EPHB1: variants seen among roughly 807,000 people sequenced by gnomAD.
The protein encoded by EPHB1 is ephrin type-B receptor 1.
EPHB1 carries 30 observed loss-of-function variants against 94.4 expected under a neutral mutation model. The ratio of observed to expected loss-of-function variants is 0.32; its 90% CI spans 0.24 to 0.43. The LOEUF (loss-of-function observed/expected upper bound fraction) is 0.43, where lower values mean the gene tolerates loss of function less well. Ranked by LOEUF, EPHB1 falls within the 20% of genes least tolerant of loss-of-function variation. EPHB1 has a pLI of 1.00. For synonymous variants in EPHB1, 522 were observed against 489.1 expected, an observed-to-expected ratio of 1.07 and a Z score of -0.89; for missense variants, 1,055 against 1,308.3, an observed-to-expected ratio of 0.81 and a Z score of 2.99.
intron 1 of EPHB1, among the ~76,000 whole-genome samples, chr3:134,910,916 G>A (rs999296653): frequency 6.6e-6 from 1 of 152,240 alleles, no homozygotes; most frequent in Non-Finnish European, 1.5e-5. Flanking sequence ...GACAGGGTGA[G>A]AACTGGGACA....
intron 1 of EPHB1, among the ~76,000 whole-genome samples, chr3:134,865,952 TAGG>T (rs1451247859): frequency 6.6e-6 from 1 of 152,208 alleles, no homozygotes; most frequent in Non-Finnish European, 1.5e-5. Context: ...TGGAGAAAGG[TAGG>T]AGGAGACTTC....
At chr3:135,131,347 C>T (rs1215516645) in intron 4 of EPHB1, among the ~76,000 whole-genome samples, 1 of 152,118 alleles carries the variant, frequency 6.6e-6, no homozygotes, top group Admixed American at 6.5e-5. Flanking sequence ...CCCTGGTGCC[C>T]CCCGACCTTA....
chr3:134,807,317 T>G (rs1157333603), intron 1 of EPHB1, among the ~76,000 whole-genome samples: 3 of 152,102 alleles, frequency 2.0e-5, no homozygotes, highest in Non-Finnish European at 4.4e-5. Flanking sequence ...GACACAGACT[T>G]TCCTTCAGGG....
chr3:134,826,444 T>C lies in EPHB1; in HGVS notation c.58+30755T>C, dbSNP rs79877605. ...ACGGGCCTCTCCTTAGCAGTTCTGC[T>C]TTGCATATAATCGATGGATCTTGCT... is the stretch of plus-strand genomic sequence containing the variant. On this transcript the variant is annotated intron_variant, in intron 1 of 15. Transcript: ENST00000398015. Among the ~76,000 whole-genome samples, 1,338 of 152,244 alleles carry C rather than the reference T, an allele frequency of 8.8e-3. 12 individuals are homozygous for C. The highest frequency in any genetic ancestry group is 0.014 in the Non-Finnish European group (955 of 68,010).
chr3:134,910,535 C>T (rs377435397), intron 1 of EPHB1, among the ~76,000 whole-genome samples: 72 of 152,310 alleles, frequency 4.7e-4, no homozygotes, highest in African/African-American at 1.6e-3. Flanking sequence ...GATTGGGAAA[C>T]ACAAATAGAA....
rs552760911 is a variant in EPHB1 at position 134,938,662 on chromosome 3, C to G, written c.124-12709C>G. Among the ~76,000 whole-genome samples the G allele has an allele frequency of 1.1e-4, 16 of 152,300 alleles. 1 individual carries two copies. The South Asian group carries it at 3.3e-3, about 32-fold the overall frequency. Reference sequence around the variant, plus strand: ...CCAAGAAAAAAATAACTGATGTGCACTCAGAGAGAGGCTAAGTGTGTGTCC... The same window carrying G: ...CCAAGAAAAAAATAACTGATGTGCAGTCAGAGAGAGGCTAAGTGTGTGTCC... On this transcript the variant is annotated intron_variant, in intron 2 of 15. Coordinates refer to ENST00000398015, the MANE Select transcript of EPHB1 (RefSeq NM_004441.5).
At chr3:135,129,051 C>T (rs1022947913) in intron 4 of EPHB1, among the ~76,000 whole-genome samples, 12 of 152,182 alleles carry the variant, frequency 7.9e-5, no homozygotes, top group African/African-American at 2.9e-4. Flanking sequence ...TGTACTCCTG[C>T]ACTCAACAAC....
chr3:134,844,576 C>G (rs1323318811), intron 1 of EPHB1, among the ~76,000 whole-genome samples: 1 of 152,190 alleles, frequency 6.6e-6, no homozygotes, highest in Non-Finnish European at 1.5e-5. Context: ...AGTGAGTTCC[C>G]TTTGACCCAC....
intron 1 of EPHB1, among the ~76,000 whole-genome samples, chr3:134,898,363 G>T (rs2038127856): frequency 6.6e-6 from 1 of 152,152 alleles, no homozygotes; most frequent in African/African-American, 2.4e-5. Context: ...GAGAAGCTGA[G>T]TGTGTAGGAT....
intron 1 of EPHB1, among the ~76,000 whole-genome samples, chr3:134,797,811 T>C (rs1390385918): frequency 6.6e-6 from 1 of 152,140 alleles, no homozygotes; most frequent in South Asian, 2.1e-4. Flanking sequence ...CTCTGTGGGC[T>C]GAAAATCTCT....
intron 3 of EPHB1, among the ~76,000 whole-genome samples, chr3:135,056,854 T>C (rs191377526): frequency 2.0e-5 from 3 of 152,078 alleles, no homozygotes; most frequent in Non-Finnish European, 4.4e-5. Flanking sequence ...AGGGGAGGCA[T>C]CCAGGCGGTG....
intron 1 of EPHB1, among the ~76,000 whole-genome samples, chr3:134,920,060 C>T (rs1421437098): frequency 6.6e-6 from 1 of 152,056 alleles, no homozygotes; most frequent in Non-Finnish European, 1.5e-5. Flanking sequence ...CTGAGGCTGC[C>T]ATTGCAGATC....
At chr3:134,976,539 C>T (rs1934199600) in intron 3 of EPHB1, among the ~76,000 whole-genome samples, 1 of 152,202 alleles carries the variant, frequency 6.6e-6, no homozygotes, top group South Asian at 2.1e-4. Context: ...AACATTCTTG[C>T]TCTCCTTTTT....
intron 3 of EPHB1, among the ~76,000 whole-genome samples, chr3:135,088,512 A>G (rs1306791010): frequency 6.6e-6 from 1 of 152,180 alleles, no homozygotes; most frequent in Non-Finnish European, 1.5e-5. Flanking sequence ...TCCGGGTTGG[A>G]TGGCACTCCA....
intron 3 of EPHB1, among the ~76,000 whole-genome samples, chr3:134,972,243 A>G (rs945856939): frequency 6.6e-6 from 1 of 151,650 alleles, no homozygotes; most frequent in African/African-American, 2.4e-5. Context: ...CCTTCAGAGC[A>G]TCCTTGCTAT....
rs1434477593 is a variant in EPHB1 at position 135,132,884 on chromosome 3, G to A, written c.1132G>A (p.Glu378Lys). The A allele has an allele frequency of 6.2e-7, 1 of 1,614,056 alleles. No homozygotes were observed. Among genetic ancestry groups the A allele is most frequent in the South Asian group, 1.1e-5 (1 of 91,088 alleles). The change falls in exon 5 of 16, where the codon GAG (glutamate) becomes AAG (lysine). Residue 378 changes from glutamate to lysine, a missense_variant. Transcript: ENST00000398015. ...CTGCTCCCGCTGTGACGACAATGTG[G>A]AGTTTGTGCCCAGGCAGCTGGGCCT... The part of the protein sequence containing the change: ...RSCSRCDDNV[E>K]FVPRQLGLTE...
intron 2 of EPHB1, among the ~76,000 whole-genome samples, chr3:134,937,161 A>C (rs1328129802): frequency 2.6e-5 from 4 of 152,236 alleles, no homozygotes; most frequent in African/African-American, 9.6e-5. Flanking sequence ...TGCACCTGGG[A>C]AGCCAAGTCC....
At chr3:134,902,782 G>A (rs139444382) in intron 1 of EPHB1, among the ~76,000 whole-genome samples, 144 of 152,358 alleles carry the variant, frequency 9.5e-4, no homozygotes, top group Middle Eastern at 3.4e-3. Flanking sequence ...ATTACTGGGA[G>A]TAGGGTGAGT....
intron 3 of EPHB1, among the ~76,000 whole-genome samples, chr3:135,026,961 A>G (rs2107757664): frequency 1.0e-5 from 1 of 98,862 alleles, no homozygotes; most frequent in Admixed American, 1.1e-4. Context: ...TAGGTATTTT[A>G]TTCTCTTTGA....
Sources: allele counts gnomAD v4.1 joint callset (sites outside exome capture counted in the v4.1 genomes callset), GRCh38; gene constraint gnomAD v4.1.1; transcripts MANE v1.5; gene names NCBI Gene and HGNC (gene_info 2026-07-23, HGNC 2026-07-21).